Variants in ANKMY2 observed in about 807,000 individuals in gnomAD.
The protein encoded by ANKMY2 is ankyrin repeat and MYND domain-containing protein 2.
A neutral mutation model predicts 50.4 loss-of-function variants in ANKMY2; 36 were observed. That is an observed-to-expected ratio of 0.71 (90% CI 0.55 to 0.94). ANKMY2 has a LOEUF of 0.94. Ranked by LOEUF, ANKMY2 falls within the 40% of genes least tolerant of loss-of-function variation. The probability of loss-of-function intolerance (pLI) is 0.00; values close to 1 mark genes in which losing one functional copy is unlikely to be tolerated. For synonymous variants in ANKMY2, 187 were observed against 178.8 expected, an observed-to-expected ratio of 1.05 and a Z score of -0.36; for missense variants, 565 against 524.0, an observed-to-expected ratio of 1.08 and a Z score of -0.76.
At chr7:16,629,336 G>A (rs1330988743) in intron 2 of ANKMY2, among the ~76,000 whole-genome samples, 1 of 152,152 alleles carries the variant, frequency 6.6e-6, no homozygotes, top group Admixed American at 6.5e-5. Flanking sequence ...AGGAGTTCAA[G>A]ACCAGCCTGG....
At position 16,636,435 on chromosome 7, in the gene ANKMY2, T is replaced by C. The variant is rs370183995; in HGVS notation, c.88A>G (p.Thr30Ala). The part of the protein sequence containing the change: ...IGKGTVQEAG[T>A]LLSSKNVRVN... ...CGAACATTCTTGCTGGATAATAATG[T>C]TCCAGCTTCTTGGACAGTACCTAAA... Residue 30 changes from threonine (T) to alanine (A), a missense_variant, in exon 2 of 10, where the codon ACA becomes GCA. Coordinates refer to ENST00000306999, the MANE Select transcript of ANKMY2 (RefSeq NM_020319.3). The C allele has an allele frequency of 3.0e-5, 48 of 1,600,474 alleles. No individual in the cohort carries two copies. In the African/African-American group the frequency reaches 6.2e-4, roughly 21 times the overall value.
In ANKMY2 at chr7:16,645,649, G is replaced by C; in HGVS notation, c.-76C>G. The C allele has an allele frequency of 6.9e-5, 104 of 1,498,734 alleles. No individual in the cohort carries two copies. Among genetic ancestry groups the C allele is most frequent in the Middle Eastern group, 1.9e-4 (1 of 5,376 alleles). The allele number at this position is 1,498,734 out of a possible 1,614,324, so 92.8% of individuals were successfully genotyped here. A position where few individuals can be genotyped will look rare whatever the true frequency, so the allele number is the denominator to read the frequency against. Reference sequence around the variant, plus strand: ...GAAACGATGCGTCTGTATTGGGAACGCCAGCCGCAATGAGGCAACTTGAGA... The same window carrying C: ...GAAACGATGCGTCTGTATTGGGAACCCCAGCCGCAATGAGGCAACTTGAGA... On this transcript the variant is annotated 5_prime_UTR_variant, in exon 1 of 10. Transcript: ENST00000306999.
In ANKMY2 at chr7:16,627,436, T is replaced by C. The variant is rs577107451; in HGVS notation, c.133-258A>G. Reference sequence around the variant, plus strand: ...TGCTCAACCTCACATGACTAATAAATGGTGGGGGCAGGGATTGAAACCCAC... The same window carrying C: ...TGCTCAACCTCACATGACTAATAAACGGTGGGGGCAGGGATTGAAACCCAC... On this transcript the variant is annotated intron_variant, in intron 2 of 9. Transcript: ENST00000306999. Among the ~76,000 whole-genome samples, 18 of 152,296 alleles carry C rather than the reference T, an allele frequency of 1.2e-4. No homozygotes were observed. The South Asian group carries it at 3.3e-3, about 28-fold the overall frequency.
chr7:16,640,328 T>C (rs1317851815), intron 1 of ANKMY2, among the ~76,000 whole-genome samples: 1 of 152,164 alleles, frequency 6.6e-6, no homozygotes, highest in East Asian at 1.9e-4. Flanking sequence ...TCTTTTTATT[T>C]TGTATTCAGA....
intron 4 of ANKMY2, among the ~76,000 whole-genome samples, chr7:16,623,935 A>T (rs1781475483): frequency 6.6e-6 from 1 of 152,040 alleles, no homozygotes; most frequent in African/African-American, 2.4e-5. Context: ...ATAAAATTTA[A>T]CATAATATTC....
intron 1 of ANKMY2, among the ~76,000 whole-genome samples, chr7:16,639,003 C>T (rs983138178): frequency 6.6e-6 from 1 of 152,090 alleles, no homozygotes; most frequent in Non-Finnish European, 1.5e-5. Flanking sequence ...AATGCAGGGG[C>T]TGGAATGAGA....
intron 2 of ANKMY2, among the ~76,000 whole-genome samples, chr7:16,627,516 A>G (rs1781522812): frequency 6.6e-6 from 1 of 152,240 alleles, no homozygotes; most frequent in Admixed American, 6.5e-5. Context: ...AGATACAAAC[A>G]TATTTTTTTA....
At chr7:16,645,447 G>C (rs990846359) in intron 1 of ANKMY2, 60 bp downstream of exon 1, 1 of 1,525,554 alleles carries the variant, frequency 6.6e-7, no homozygotes, top group South Asian at 1.2e-5. Context: ...GCGCCCCCCG[G>C]GCTCCGCCAC....
At chr7:16,631,413 T>C (rs1781579530) in intron 2 of ANKMY2, among the ~76,000 whole-genome samples, 1 of 152,200 alleles carries the variant, frequency 6.6e-6, no homozygotes, top group South Asian at 2.1e-4. Context: ...ATGCTAGCCT[T>C]ATCAAATAAA....
At chr7:16,613,273 G>A in intron 5 of ANKMY2, among the ~76,000 whole-genome samples, 1 of 152,164 alleles carries the variant, frequency 6.6e-6, no homozygotes, top group East Asian at 1.9e-4. Flanking sequence ...GAAAAGTGAG[G>A]TGTGTATTGG....
chr7:16,641,045 T>C (rs1781737811), intron 1 of ANKMY2, among the ~76,000 whole-genome samples: 1 of 152,160 alleles, frequency 6.6e-6, no homozygotes, highest in Non-Finnish European at 1.5e-5. Flanking sequence ...TATAAATATA[T>C]TTTAAAAGTG....
At chr7:16,621,972 AAAAT>A (rs545011448) in intron 4 of ANKMY2, among the ~76,000 whole-genome samples, 5 of 151,716 alleles carry the variant, frequency 3.3e-5, no homozygotes, top group African/African-American at 9.7e-5. Context: ...CCATCTCAAA[AAAAT>A]AAATAAATAA....
chr7:16,602,652 G>T, intron 8 of ANKMY2, 143 bp from the exon 9 acceptor site: 1 of 1,131,656 alleles, frequency 8.8e-7, no homozygotes, highest in Non-Finnish European at 1.2e-6. Flanking sequence ...GATATAGTTT[G>T]GATGTTGTCC....
At chr7:16,606,811 G>T (rs1157394625) in intron 7 of ANKMY2, among the ~76,000 whole-genome samples, 2 of 152,170 alleles carry the variant, frequency 1.3e-5, no homozygotes, top group Admixed American at 6.5e-5. Context: ...AAACTACCAT[G>T]TTCTTCTTGA....
chr7:16,603,620 G>A lies in ANKMY2; in HGVS notation c.1011+1101C>T, dbSNP rs1366857268. On this transcript the variant is annotated intron_variant, in intron 8 of 9. Transcript: ENST00000306999. ...TGGCCCCAATTCTTCATTCATCCTT[G>A]CATTCATACACTTTCTCACATGATT... 6 of 471,124 alleles carry A rather than the reference G, an allele frequency of 1.3e-5. No individual in the cohort carries two copies. In the East Asian group the frequency reaches 3.5e-4, roughly 27 times the overall value. The allele number at this position is 471,124 out of a possible 1,614,324, so 29.2% of individuals were successfully genotyped here.
rs1336899508 is a variant in ANKMY2, at chr7:16,600,054, A to C, written c.*707T>G. 2 of 152,328 alleles carry C rather than the reference A, an allele frequency of 1.3e-5. No homozygotes were observed. Among genetic ancestry groups the C allele is most frequent in the Non-Finnish European group, 2.9e-5 (2 of 68,030 alleles). 9.4% of individuals were successfully genotyped at this position (152,328 alleles called of 1,614,324 possible). Reference sequence around the variant, plus strand: ...TAGTATGTTTAGTCATTATTGAATCAAAAGTTTCAGGAAGTACCTTTTTTA... The same window carrying C: ...TAGTATGTTTAGTCATTATTGAATCCAAAGTTTCAGGAAGTACCTTTTTTA... On this transcript the variant is annotated 3_prime_UTR_variant, in exon 10 of 10. Coordinates refer to ENST00000306999, the MANE Select transcript of ANKMY2 (RefSeq NM_020319.3).
chr7:16,637,474 T>C (rs1013304616), intron 1 of ANKMY2, among the ~76,000 whole-genome samples: 6 of 152,210 alleles, frequency 3.9e-5, no homozygotes, highest in Non-Finnish European at 7.3e-5. Context: ...ATCTCCTAGA[T>C]AGAGAAGTAG....
chr7:16,604,577 CTTT>C, intron 8 of ANKMY2, 141 bp downstream of exon 8: 1 of 1,115,122 alleles, frequency 9.0e-7, no homozygotes, highest in Admixed American at 2.8e-5. Context: ...TCCAAAACTA[CTTT>C]TTAAGTATTA....
At chr7:16,604,669 T>C (rs1781122963) in intron 8 of ANKMY2, 52 bp downstream of exon 8, 6 of 1,584,866 alleles carry the variant, frequency 3.8e-6, no homozygotes, top group Non-Finnish European at 4.3e-6. Context: ...AATCATCAGC[T>C]TGGCTGCATC....
Sources: gnomAD v4.1 joint callset for allele counts (sites outside exome capture counted in the v4.1 genomes callset) on GRCh38, gnomAD v4.1.1 for gene constraint, MANE v1.5 for transcripts, NCBI Gene and HGNC (gene_info 2026-07-23, HGNC 2026-07-21) for gene names.